Variants in DLG2 observed in about 807,000 individuals in gnomAD.
DLG2 encodes the protein discs large MAGUK scaffold protein 2.
A neutral mutation model predicts 132.5 loss-of-function variants in DLG2; 45 were observed. That is an observed-to-expected ratio of 0.34 (90% CI 0.27 to 0.44). The LOEUF (loss-of-function observed/expected upper bound fraction) is 0.44, where lower values mean the gene tolerates loss of function less well. Among genes scored for constraint, DLG2 ranks in the 20% least tolerant of loss-of-function variants. The pLI, the probability that DLG2 is intolerant of heterozygous loss-of-function variation, is 1.00. For missense variants in DLG2, 1,045 were observed against 1,196.9 expected (o/e 0.87, Z 1.87); for synonymous variants, 424 against 419.6 (o/e 1.01, Z -0.13).
intron 18 of DLG2, among the ~76,000 whole-genome samples, chr11:83,780,036 CAGCT>C (rs1393360077): frequency 2.0e-5 from 3 of 152,286 alleles, no homozygotes; most frequent in African/African-American, 7.2e-5. Context: ...TCAAGATCCA[CAGCT>C]GGACTTTAAA....
intron 3 of DLG2, among the ~76,000 whole-genome samples, chr11:85,369,196 C>A (rs2152914060): frequency 6.6e-6 from 1 of 152,096 alleles, no homozygotes; most frequent in East Asian, 1.9e-4. Context: ...GATGGACAGG[C>A]AAGCGGGGTC....
chr11:85,362,391 C>A (rs1281454108), intron 3 of DLG2, among the ~76,000 whole-genome samples: 1 of 152,080 alleles, frequency 6.6e-6, no homozygotes, highest in South Asian at 2.1e-4. Context: ...AATGAGATTG[C>A]CTTCTTGATT....
At chr11:84,293,865 C>T (rs903326514) in intron 7 of DLG2, among the ~76,000 whole-genome samples, 1 of 152,100 alleles carries the variant, frequency 6.6e-6, no homozygotes, top group African/African-American at 2.4e-5. Context: ...GTCTAAAAGG[C>T]AAGCTAAATT....
chr11:84,330,755 C>T (rs1336725515), intron 7 of DLG2, among the ~76,000 whole-genome samples: 1 of 152,154 alleles, frequency 6.6e-6, no homozygotes, highest in Non-Finnish European at 1.5e-5. Context: ...AGAATTCAAA[C>T]CTCAGTGTTC....
chr11:84,314,283 A>G (rs141180263), intron 7 of DLG2, among the ~76,000 whole-genome samples: 52 of 152,332 alleles, frequency 3.4e-4, no homozygotes, highest in Non-Finnish European at 6.6e-4. Context: ...TCTAATGTTT[A>G]GTATCATTAG....
chr11:85,584,071 T>C lies in DLG2; in HGVS notation c.40+14586A>G, dbSNP rs192890024. Among the ~76,000 whole-genome samples the C allele has an allele frequency of 1.4e-4, 22 of 152,244 alleles. 1 individual carries two copies. Among genetic ancestry groups the C allele is most frequent in the African/African-American group, 4.6e-4 (19 of 41,550 alleles). ...GGGTTTACTGCATGGAAAAGTAATT[T>C]AGTGGTGATTTCCAAGATTTTGGTG... On this transcript the variant is annotated intron_variant, in intron 3 of 27. Coordinates refer to ENST00000376104, the MANE Select transcript of DLG2 (RefSeq NM_001142699.3).
At chr11:84,451,645 C>T (rs11234031) in intron 7 of DLG2, among the ~76,000 whole-genome samples, 7,327 of 151,724 alleles carry the variant, frequency 0.048, 241 homozygotes, top group South Asian at 0.15. Flanking sequence ...TACGATGCAC[C>T]AACCTGTTTA....
chr11:84,045,219 A>G (rs2096214248), intron 11 of DLG2, among the ~76,000 whole-genome samples: 1 of 151,654 alleles, frequency 6.6e-6, no homozygotes, highest in Non-Finnish European at 1.5e-5. Context: ...TCACTTTTAT[A>G]TCTATATGTG....
At chr11:84,651,556 C>G (rs554686828) in intron 6 of DLG2, among the ~76,000 whole-genome samples, 2 of 152,094 alleles carry the variant, frequency 1.3e-5, no homozygotes, top group Non-Finnish European at 2.9e-5. Flanking sequence ...CTTCTGTCTC[C>G]GGGTGAATTT....
intron 3 of DLG2, among the ~76,000 whole-genome samples, chr11:85,499,105 G>A (rs2153122418): frequency 6.6e-6 from 1 of 152,188 alleles, no homozygotes; most frequent in East Asian, 1.9e-4. Context: ...GATCAGAGCA[G>A]AACTGTAGGA....
At chr11:84,913,720 C>T (rs35580263) in intron 6 of DLG2, among the ~76,000 whole-genome samples, 6,299 of 152,152 alleles carry the variant, frequency 0.041, 147 homozygotes, top group East Asian at 0.089. Context: ...AAGAAGTATA[C>T]ATTTTTGTCA....
At chr11:85,230,068 T>C (rs1294035407) in intron 4 of DLG2, among the ~76,000 whole-genome samples, 3 of 152,044 alleles carry the variant, frequency 2.0e-5, no homozygotes, top group Non-Finnish European at 1.5e-5. Flanking sequence ...CCATGGCAAG[T>C]GTACACCTAT....
intron 16 of DLG2, among the ~76,000 whole-genome samples, chr11:83,850,160 G>GTGTGTGTGTGTGTGTGTGT (rs1452960432): frequency 8.0e-6 from 1 of 124,302 alleles, no homozygotes. Flanking sequence ...GTGTGTGTGT[G>GTGTGTGTGTGTGTGTGTGT]TTTTTTTACT....
intron 6 of DLG2, among the ~76,000 whole-genome samples, chr11:84,675,053 CTCTT>C (rs1303527549): frequency 2.0e-5 from 3 of 152,096 alleles, no homozygotes; most frequent in African/African-American, 7.2e-5. Flanking sequence ...GCATCTGCCT[CTCTT>C]TCTTTATTTG....
At chr11:84,942,158 G>C (rs1237125646) in intron 6 of DLG2, among the ~76,000 whole-genome samples, 2 of 152,032 alleles carry the variant, frequency 1.3e-5, no homozygotes, top group African/African-American at 4.8e-5. Context: ...GGTCTGGCTA[G>C]AGGTTTGTCA....
intron 26 of DLG2, among the ~76,000 whole-genome samples, chr11:83,466,067 G>A (rs767690328): frequency 6.6e-6 from 1 of 152,284 alleles, no homozygotes; most frequent in East Asian, 1.9e-4. Context: ...AAAAAACCCT[G>A]AGTGCACAGG....
rs10654409 is a variant in DLG2, at chr11:85,108,007, A to AACACACAC, written c.357+3646_357+3653dup. Among the ~76,000 whole-genome samples, 426 of 142,336 alleles carry AACACACAC rather than the reference A, an allele frequency of 3.0e-3. 1 individual carries two copies. Among genetic ancestry groups the AACACACAC allele is most frequent in the Non-Finnish European group, 5.3e-3 (349 of 66,328 alleles). 93.4% of individuals were successfully genotyped at this position (142,336 alleles called of 152,430 possible). A position where few individuals can be genotyped will look rare whatever the true frequency, so the allele number is the denominator to read the frequency against. On this transcript the variant is annotated intron_variant, in intron 6 of 27. Transcript: ENST00000376104. Reference sequence around the variant, plus strand: ...CCGAGGGCCAAAAAACAAACAAATAAACACACACACACACACACACATCCA... The same window carrying AACACACAC: ...CCGAGGGCCAAAAAACAAACAAATAAACACACACACACACACACACACACACACATCCA...
intron 11 of DLG2, among the ~76,000 whole-genome samples, chr11:84,043,455 T>C (rs2096152662): frequency 6.6e-6 from 1 of 151,704 alleles, no homozygotes; most frequent in African/African-American, 2.4e-5. Context: ...GTCACAAGGG[T>C]TTGTTGTACA....
rs969423427 is a variant in DLG2 at position 85,006,887 on chromosome 11, A to G, written c.357+104774T>C. The stretch of plus-strand genomic sequence containing the variant: ...CATGTAGTGCTACAAATTTCCCTCT[A>G]AATATATTTCTATTTTCATACAATA... On this transcript the variant is annotated intron_variant, in intron 6 of 27. Transcript: ENST00000376104. Among the ~76,000 whole-genome samples the G allele has an allele frequency of 1.7e-4, 26 of 152,226 alleles. 4 individuals carry two copies. The highest frequency in any genetic ancestry group is 6.3e-4 in the African/African-American group (26 of 41,544).
Sources: allele counts gnomAD v4.1 joint callset (sites outside exome capture counted in the v4.1 genomes callset), GRCh38; gene constraint gnomAD v4.1.1; transcripts MANE v1.5; gene names NCBI Gene and HGNC (gene_info 2026-07-23, HGNC 2026-07-21).